GPHN: variants seen among roughly 807,000 people sequenced by gnomAD.
GPHN encodes gephyrin.
In GPHN, 17 loss-of-function variants were observed where a neutral mutation model predicts 95.5. The observed-to-expected ratio is 0.18, with a 90% CI of 0.12 to 0.27. GPHN has a LOEUF of 0.27. Ranked by LOEUF, GPHN falls within the 10% of genes least tolerant of loss-of-function variation. The pLI, the probability that GPHN is intolerant of heterozygous loss-of-function variation, is 1.00. For synonymous variants in GPHN, 320 were observed against 322.5 expected (o/e 0.99, Z 0.08); for missense variants, 660 against 978.1 (o/e 0.67, Z 4.34).
At chr14:66,872,720 A>AC (rs2063490445) in intron 4 of GPHN, among the ~76,000 whole-genome samples, 1 of 151,964 alleles carries the variant, frequency 6.6e-6, no homozygotes, top group African/African-American at 2.4e-5. Flanking sequence ...ACATGGTGAA[A>AC]CCCCATCTCT....
the GPHN span, among the ~76,000 whole-genome samples, chr14:67,399,011 T>C: frequency 6.6e-6 from 1 of 152,284 alleles, no homozygotes; most frequent in Non-Finnish European, 1.5e-5. Context: ...TGTTCTGTAA[T>C]GAATATCCTT....
intron 11 of GPHN, among the ~76,000 whole-genome samples, chr14:67,065,679 T>A (rs1158912374): frequency 6.6e-6 from 1 of 152,182 alleles, no homozygotes; most frequent in Non-Finnish European, 1.5e-5. Context: ...TTTACCATTA[T>A]ATAATGGCCT....
At chr14:67,656,084 A>G in the GPHN span, among the ~76,000 whole-genome samples, 1 of 152,030 alleles carries the variant, frequency 6.6e-6, no homozygotes, top group African/African-American at 2.4e-5. Flanking sequence ...CATCTCTACT[A>G]AAAATACAAA....
chr14:66,699,884 A>G (rs2068399784), intron 2 of GPHN, among the ~76,000 whole-genome samples: 1 of 152,218 alleles, frequency 6.6e-6, no homozygotes, highest in African/African-American at 2.4e-5. Flanking sequence ...GAAATTAAAT[A>G]ATGAAGAAGC....
At position 67,123,670 on chromosome 14, in the gene GPHN, T is replaced by C. The variant is rs148352113; in HGVS notation, c.1748+1293T>C. ...CAGCCTGGGAAACAGAGTGAGACTC[T>C]GTCTCAAAAAATAAATAAGTAAACA... On this transcript the variant is annotated intron_variant, in intron 17 of 22. Coordinates refer to ENST00000478722, the MANE Select transcript of GPHN (RefSeq NM_020806.5). Among the ~76,000 whole-genome samples, 302 of 152,264 alleles carry C rather than the reference T, an allele frequency of 2.0e-3. 5 individuals carry two copies. The East Asian group carries it at 0.03, about 15-fold the overall frequency.
intron 21 of GPHN, among the ~76,000 whole-genome samples, chr14:67,175,433 C>A (rs2082875850): frequency 6.6e-6 from 1 of 152,070 alleles, no homozygotes; most frequent in Non-Finnish European, 1.5e-5. Context: ...TTCCATTGGT[C>A]TATATATCTG....
At chr14:67,107,338 T>C (rs2078099532) in intron 13 of GPHN, among the ~76,000 whole-genome samples, 2 of 151,820 alleles carry the variant, frequency 1.3e-5, no homozygotes. Context: ...AGGCTCAGGG[T>C]CTTGTGAATC....
At chr14:67,285,910 T>G in the GPHN span, among the ~76,000 whole-genome samples, 1 of 152,196 alleles carries the variant, frequency 6.6e-6, no homozygotes, top group African/African-American at 2.4e-5. Context: ...TCTGATTAGT[T>G]GTATCCTAAA....
chr14:67,576,760 G>T, the GPHN span, among the ~76,000 whole-genome samples: 1 of 152,158 alleles, frequency 6.6e-6, no homozygotes, highest in African/African-American at 2.4e-5. This position sits in a 1 kb window ranked among gnomAD's most constrained non-coding sequence, Gnocchi z 4.0. Context: ...CTTGGATCAA[G>T]CTGCCCCGTT....
chr14:67,695,119 C>G, the GPHN span, among the ~76,000 whole-genome samples: 1 of 152,322 alleles, frequency 6.6e-6, no homozygotes, highest in East Asian at 1.9e-4. Context: ...TTTCACTTTT[C>G]TCCTTTACAA....
chr14:67,248,272 GC>G, the GPHN span, among the ~76,000 whole-genome samples: 1 of 152,120 alleles, frequency 6.6e-6, no homozygotes, highest in Non-Finnish European at 1.5e-5. Flanking sequence ...TGTAGCCCCA[GC>G]CAATTGGGAG....
chr14:67,558,526 T>G, the GPHN span, among the ~76,000 whole-genome samples: 1 of 152,230 alleles, frequency 6.6e-6, no homozygotes, highest in Non-Finnish European at 1.5e-5. Context: ...TAGCTCATAG[T>G]TAGAAGTGGC....
intron 1 of GPHN, among the ~76,000 whole-genome samples, chr14:66,620,595 C>T (rs990767027): frequency 5.3e-5 from 8 of 152,110 alleles, no homozygotes; most frequent in Non-Finnish European, 8.8e-5. Flanking sequence ...TCCCATGACA[C>T]GTGGGAATTG....
the GPHN span, among the ~76,000 whole-genome samples, chr14:67,187,379 T>C: frequency 1.3e-5 from 2 of 152,070 alleles, no homozygotes; most frequent in Non-Finnish European, 2.9e-5. Flanking sequence ...AACCTCTGAG[T>C]CACCTTTTCC....
At chr14:66,963,881 G>C (rs996295697) in intron 8 of GPHN, among the ~76,000 whole-genome samples, 1 of 152,098 alleles carries the variant, frequency 6.6e-6, no homozygotes, top group Non-Finnish European at 1.5e-5. Flanking sequence ...CAGAAATGAT[G>C]CATAATATTA....
chr14:67,096,879 A>G (rs1343016336), intron 12 of GPHN, among the ~76,000 whole-genome samples: 1 of 152,044 alleles, frequency 6.6e-6, no homozygotes, highest in African/African-American at 2.4e-5. Flanking sequence ...GCCCAGCCAA[A>G]GCAGTCTTTC....
At chr14:67,337,745 T>C in the GPHN span, 1 of 152,212 alleles carries the variant, frequency 6.6e-6, no homozygotes, top group Non-Finnish European at 1.5e-5. Flanking sequence ...CTCAAATGCT[T>C]CATCTTCATA....
chr14:67,045,483 C>G (rs927385618), intron 10 of GPHN, among the ~76,000 whole-genome samples: 5 of 150,358 alleles, frequency 3.3e-5, no homozygotes, highest in Non-Finnish European at 5.9e-5. Context: ...CTCTGTCTCT[C>G]TGTGTGTGTC....
chr14:66,820,150 A>G (rs767725164), intron 3 of GPHN, among the ~76,000 whole-genome samples: 4 of 152,126 alleles, frequency 2.6e-5, no homozygotes, highest in Non-Finnish European at 5.9e-5. Flanking sequence ...TATTTGCACT[A>G]TTACATTTCT....
Sources: gnomAD v4.1 joint callset for allele counts (sites outside exome capture counted in the v4.1 genomes callset) on GRCh38, gnomAD v4.1.1 for gene constraint, Gnocchi (gnomAD v3.1) non-coding constraint, MANE v1.5 for transcripts, NCBI Gene and HGNC (gene_info 2026-07-23, HGNC 2026-07-21) for gene names.